SLC22A14: variants seen among roughly 807,000 people sequenced by gnomAD.
The protein encoded by SLC22A14 is organic cation transporter-like 4.
SLC22A14 carries 50 observed loss-of-function variants against 53.9 expected under a neutral mutation model. The ratio of observed to expected loss-of-function variants is 0.93; its 90% CI spans 0.74 to 1.17. The LOEUF is 1.17. SLC22A14 is among the 50% of genes most tolerant of loss of function. The probability of loss-of-function intolerance (pLI) is 0.00; values close to 1 mark genes in which losing one functional copy is unlikely to be tolerated. For missense variants in SLC22A14, 671 were observed against 734.7 expected (o/e 0.91, Z 1.00); for synonymous variants, 312 against 303.0 (o/e 1.03, Z -0.31).
Position 38,307,128 on chromosome 3 carries a change from A to G in SLC22A14, c.517-126A>G, listed in dbSNP as rs1485097121. On this transcript the variant is annotated intron_variant, in intron 2 of 10. Transcript: ENST00000448498. This position sits in a 1 kb window ranked among gnomAD's most constrained non-coding sequence, Gnocchi z 4.4. ...ACAGAGCAGAGGCAACAGCTGAGGC[A>G]CGCTGCACACTGTTAACTGCCCCTA... is the stretch of plus-strand genomic sequence containing the variant. 1.4e-6 allele frequency: 1 copy of G among 723,114 alleles called. No individual in the cohort carries two copies. The highest frequency in any genetic ancestry group is 1.7e-5 in the African/African-American group (1 of 58,036). The allele number at this position is 723,114 out of a possible 1,614,324, so 44.8% of individuals were successfully genotyped here.
chr3:38,301,784 T>C (rs2125882104), intron 1 of SLC22A14, among the ~76,000 whole-genome samples: 1 of 151,974 alleles, frequency 6.6e-6, no homozygotes, highest in South Asian at 2.1e-4. Flanking sequence ...TTTTCGTTAT[T>C]AAATTTTTTC....
chr3:38,297,100 C>A (rs546146898), intron 1 of SLC22A14, among the ~76,000 whole-genome samples: 22 of 152,308 alleles, frequency 1.4e-4, no homozygotes, highest in Non-Finnish European at 4.4e-5. Flanking sequence ...GGGTTTATAT[C>A]CTGATCATTT....
At chr3:38,309,389 G>T (rs1475472021) in intron 5 of SLC22A14, among the ~76,000 whole-genome samples, 1 of 152,134 alleles carries the variant, frequency 6.6e-6, no homozygotes, top group Non-Finnish European at 1.5e-5. Context: ...AAGGGGTTAA[G>T]GCCAAGGGAA....
intron 8 of SLC22A14, among the ~76,000 whole-genome samples, chr3:38,314,798 T>A (rs1704575804): frequency 6.6e-6 from 1 of 152,122 alleles, no homozygotes; most frequent in African/African-American, 2.4e-5. Context: ...ATTAATTGCC[T>A]GGTGGTTTTT....
chr3:38,286,766 C>T (rs950857743), intron 1 of SLC22A14, among the ~76,000 whole-genome samples: 3 of 151,100 alleles, frequency 2.0e-5, no homozygotes, highest in Non-Finnish European at 1.5e-5. Flanking sequence ...GAGTCTTGCT[C>T]TGTTGCCCAG....
Position 38,306,285 on chromosome 3 carries a change from G to T in SLC22A14, c.259G>T (p.Asp87Tyr). 2 of 1,614,130 alleles carry T rather than the reference G, an allele frequency of 1.2e-6. No homozygotes were observed. The highest frequency in any genetic ancestry group is 2.2e-5 in the South Asian group (2 of 91,078). ...SIMSAFFMFADHFVFTAQKPY... is the reference protein window; with the variant it reads ...SIMSAFFMFAYHFVFTAQKPY... ...CATGTCGGCCTTCTTCATGTTTGCT[G>T]ACCACTTCGTGTTCACAGCCCAGAA... Residue 87 changes from aspartate (D) to tyrosine (Y), a missense_variant, in exon 2 of 11, where the codon GAC becomes TAC. By Grantham distance (160) the Asp-to-Tyr change is radical (BLOSUM62 -3). Transcript: ENST00000448498.
chr3:38,308,052 A>T, intron 4 of SLC22A14: 1 of 346,024 alleles, frequency 2.9e-6, no homozygotes, highest in South Asian at 3.3e-5. Context: ...CTTCCACCGC[A>T]TACTCTTTGC....
chr3:38,291,797 A>C (rs956749216), intron 1 of SLC22A14, among the ~76,000 whole-genome samples: 2 of 152,232 alleles, frequency 1.3e-5, no homozygotes, highest in Non-Finnish European at 2.9e-5. Context: ...CTTCTGCTTC[A>C]GGTGTCCATC....
intron 1 of SLC22A14, among the ~76,000 whole-genome samples, chr3:38,288,504 C>T (rs1383314818): frequency 6.6e-6 from 1 of 152,196 alleles, no homozygotes; most frequent in Admixed American, 6.5e-5. Flanking sequence ...TAGGGACCAT[C>T]ATACTGTTTT....
At chr3:38,304,041 A>G (rs112886002) in intron 1 of SLC22A14, among the ~76,000 whole-genome samples, 2,048 of 151,918 alleles carry the variant, frequency 0.013, 54 homozygotes, top group African/African-American at 0.044. Flanking sequence ...AATACAAAAA[A>G]TTAGCCGGGC....
At chr3:38,303,559 A>G (rs529661008) in intron 1 of SLC22A14, among the ~76,000 whole-genome samples, 110 of 151,964 alleles carry the variant, frequency 7.2e-4, no homozygotes, top group Non-Finnish European at 1.3e-3. Context: ...CTCTATCTCT[A>G]TCTTCATTCT....
Position 38,308,968 on chromosome 3 carries a change from G to C in SLC22A14, c.790G>C (p.Val264Leu). Residue 264 changes from valine to leucine, a missense_variant, in exon 5 of 11, where the codon GTG becomes CTG. Physicochemically the swap from Val to Leu is conservative, Grantham distance 32 (BLOSUM62 1). Coordinates refer to ENST00000448498, the MANE Select transcript of SLC22A14 (RefSeq NM_001320033.2). ...CCTCTGCACAGCCACTGAGTGGTTA[G>C]TGGGTGAGCACCGGGCCCATGCCAT... Reference protein sequence around the residue: ...SSISLATEWLVGEHRAHAIIL... With the variant: ...SSISLATEWLLGEHRAHAIIL... The C allele has an allele frequency of 6.2e-7, 1 of 1,614,114 alleles. No homozygotes were observed. The highest frequency in any genetic ancestry group is 8.5e-7 in the Non-Finnish European group (1 of 1,179,934).
At chr3:38,288,096 C>A (rs1196758108) in intron 1 of SLC22A14, among the ~76,000 whole-genome samples, 1 of 152,158 alleles carries the variant, frequency 6.6e-6, no homozygotes, top group African/African-American at 2.4e-5. Flanking sequence ...TAATAACTCC[C>A]CTTTTCCTCC....
At chr3:38,280,945 A>G (rs947882015), upstream of SLC22A14, among the ~76,000 whole-genome samples, 1 of 152,132 alleles carries the variant, frequency 6.6e-6, no homozygotes, top group Admixed American at 6.5e-5. Flanking sequence ...CTGGGATCTT[A>G]TGTAACCAAA....
chr3:38,290,331 G>C (rs1703885450), intron 1 of SLC22A14, among the ~76,000 whole-genome samples: 1 of 152,216 alleles, frequency 6.6e-6, no homozygotes, highest in Non-Finnish European at 1.5e-5. Flanking sequence ...ATTGGAGCGT[G>C]GGCTAGCAGG....
chr3:38,312,490 C>T (rs1704494398), intron 5 of SLC22A14, among the ~76,000 whole-genome samples: 1 of 152,136 alleles, frequency 6.6e-6, no homozygotes, highest in African/African-American at 2.4e-5. Flanking sequence ...GAGTAGAGAC[C>T]TTCACTCACC....
chr3:38,307,226 G>A lies in SLC22A14; in HGVS notation c.517-28G>A, dbSNP rs149099024. 7.2e-5 allele frequency: 111 copies of A among 1,545,058 alleles called. No homozygotes were observed. The highest frequency in any genetic ancestry group is 1.7e-4 in the Middle Eastern group (1 of 5,944). On this transcript the variant is annotated intron_variant, in intron 2 of 10. Coordinates refer to ENST00000448498, the MANE Select transcript of SLC22A14 (RefSeq NM_001320033.2). The surrounding 1 kb of genome is among the most constrained non-coding windows in gnomAD (Gnocchi z 4.4). ...TCTCTGGACCCAAAGGTGGGCACCCGTGGCCAATCTCTGTGTCTGACCCAC... is the reference window on the plus strand; with the variant it reads ...TCTCTGGACCCAAAGGTGGGCACCCATGGCCAATCTCTGTGTCTGACCCAC...
chr3:38,306,347 C>T lies in SLC22A14; in HGVS notation c.321C>T (p.Gly107=). ...YCNTSWILAV[G]PHLSKAEQLN... The stretch of plus-strand genomic sequence containing the variant: ...ATACCAGCTGGATCCTGGCAGTGGG[C>T]CCCCACCTGTCCAAAGCTGAGCAGC... The change falls in exon 2 of 11, where the codon GGC becomes GGT. Residue 107 remains glycine (G), a synonymous_variant. Transcript: ENST00000448498. The T allele has an allele frequency of 1.9e-6, 3 of 1,614,180 alleles. No homozygotes were observed. The South Asian group carries it at 3.3e-5, about 18-fold the overall frequency.
chr3:38,286,214 C>T (rs1703788319), intron 1 of SLC22A14, among the ~76,000 whole-genome samples: 1 of 152,098 alleles, frequency 6.6e-6, no homozygotes, highest in Admixed American at 6.5e-5. Flanking sequence ...TGCACTCCAG[C>T]CCAGGCAACA....
Sources: gnomAD v4.1 joint callset for allele counts (sites outside exome capture counted in the v4.1 genomes callset) on GRCh38, gnomAD v4.1.1 for gene constraint, Gnocchi (gnomAD v3.1) non-coding constraint, MANE v1.5 for transcripts, NCBI Gene and HGNC (gene_info 2026-07-23, HGNC 2026-07-21) for gene names.